Variants in OTUD7A observed in about 807,000 individuals in gnomAD.
OTUD7A encodes OTU domain-containing protein 7A.
Under a neutral mutation model 65.7 loss-of-function variants are expected in OTUD7A, and 12 were observed. That is an observed-to-expected ratio of 0.18 (90% CI 0.12 to 0.30). The LOEUF (loss-of-function observed/expected upper bound fraction) is 0.30, where lower values mean the gene tolerates loss of function less well. Among genes scored for constraint, OTUD7A ranks in the 10% least tolerant of loss-of-function variants. The pLI is 1.00. For synonymous variants in OTUD7A, 641 were observed against 586.3 expected (o/e 1.09, Z -1.35); for missense variants, 1,148 against 1,304.8 (o/e 0.88, Z 1.85).
At chr15:31,825,868 G>C (rs1443034791) in intron 1 of OTUD7A, among the ~76,000 whole-genome samples, 1 of 152,170 alleles carries the variant, frequency 6.6e-6, no homozygotes, top group East Asian at 1.9e-4. Context: ...AAATCCATTG[G>C]GGCAGTCAAA....
At chr15:31,790,609 G>A (rs1487010984) in intron 1 of OTUD7A, among the ~76,000 whole-genome samples, 1 of 152,224 alleles carries the variant, frequency 6.6e-6, no homozygotes, top group Non-Finnish European at 1.5e-5. Context: ...AGTCCAACCT[G>A]GGGTGGAATT....
intron 3 of OTUD7A, among the ~76,000 whole-genome samples, chr15:31,578,794 T>A (rs1360100449): frequency 6.6e-6 from 1 of 152,202 alleles, no homozygotes; most frequent in East Asian, 1.9e-4. Flanking sequence ...TCAGGTGATC[T>A]GCTGCCTTGG....
rs1402393236 is a variant in OTUD7A, at chr15:31,741,261, A to G, written c.-99-84184T>C. Among the ~76,000 whole-genome samples, 3 of 152,178 alleles carry G rather than the reference A, an allele frequency of 2.0e-5. No homozygotes were observed. The East Asian group carries it at 5.8e-4, about 29-fold the overall frequency. On this transcript the variant is annotated intron_variant, in intron 1 of 12. Transcript: ENST00000307050. ...TAACCCATAGGATTTGCTTCAAAAT[A>G]ATATAGGAGGTTGTGGTGGGAACAA... is the stretch of plus-strand genomic sequence containing the variant.
intron 3 of OTUD7A, among the ~76,000 whole-genome samples, chr15:31,582,334 A>G (rs1368733731): frequency 1.3e-5 from 2 of 152,176 alleles, no homozygotes; most frequent in Admixed American, 1.3e-4. Context: ...TAAGCCCTCC[A>G]AACTGTTCTA....
intron 9 of OTUD7A, 40 bp downstream of exon 9, chr15:31,503,647 GCTTT>G: frequency 3.1e-6 from 5 of 1,612,916 alleles, no homozygotes; most frequent in Non-Finnish European, 4.2e-6. Flanking sequence ...GGGATGCTAT[GCTTT>G]CTGTGTCATG....
At chr15:31,507,143 G>C (rs986118092) in intron 8 of OTUD7A, among the ~76,000 whole-genome samples, 2 of 152,102 alleles carry the variant, frequency 1.3e-5, no homozygotes, top group African/African-American at 4.8e-5. Context: ...TTAGAACTTA[G>C]GCTACTGAAG....
At chr15:31,856,406 C>A (rs1202649051) in intron 1 of OTUD7A, among the ~76,000 whole-genome samples, 2 of 151,922 alleles carry the variant, frequency 1.3e-5, no homozygotes, top group Non-Finnish European at 2.9e-5. Context: ...GATTTTTTTT[C>A]ATGAAAAATA....
chr15:31,768,755 C>G (rs1043378556), intron 1 of OTUD7A, among the ~76,000 whole-genome samples: 16 of 152,132 alleles, frequency 1.1e-4, no homozygotes, highest in African/African-American at 3.1e-4. Flanking sequence ...GTAAAGGGAC[C>G]TATATGGTGG....
intron 1 of OTUD7A, among the ~76,000 whole-genome samples, chr15:31,824,800 G>A (rs187480641): frequency 7.2e-5 from 11 of 152,238 alleles, no homozygotes; most frequent in African/African-American, 2.6e-4. Flanking sequence ...TCCAAGGTTT[G>A]CCACCCATTT....
chr15:31,553,741 GTGTC>G (rs1888402143), intron 5 of OTUD7A, among the ~76,000 whole-genome samples: 1 of 151,828 alleles, frequency 6.6e-6, no homozygotes, highest in Non-Finnish European at 1.5e-5. Flanking sequence ...CCCCATAGCC[GTGTC>G]TCTCTACTGC....
chr15:31,604,455 G>T (rs978707730), intron 3 of OTUD7A, among the ~76,000 whole-genome samples: 1 of 152,136 alleles, frequency 6.6e-6, no homozygotes, highest in Admixed American at 6.5e-5. Flanking sequence ...GGGGTGGGGG[G>T]CCAAGGGAGG....
chr15:31,487,481 T>C lies in OTUD7A; in HGVS notation c.1257A>G (p.Lys419=). The change falls in exon 11 of 13, where the codon AAA becomes AAG. Residue 419 remains lysine (K), a synonymous_variant. Coordinates refer to ENST00000307050, the MANE Select transcript of OTUD7A (RefSeq NM_001382637.1). The surrounding 1 kb of genome is among the most constrained non-coding windows in gnomAD (Gnocchi z 6.0). ...VDPGKDWEWG[K]DDNDNARLAH... ...CCAGCCGGGCGTTATCGTTGTCGTC[T>C]TTCCCCCACTCCCAGTCCTTGCCAG... is the stretch of plus-strand genomic sequence containing the variant. The C allele has an allele frequency of 1.2e-6, 2 of 1,613,996 alleles. No individual in the cohort carries two copies. Among genetic ancestry groups the C allele is most frequent in the Non-Finnish European group, 8.5e-7 (1 of 1,179,996 alleles).
chr15:31,777,086 C>T (rs1029785494), intron 1 of OTUD7A, among the ~76,000 whole-genome samples: 4 of 152,054 alleles, frequency 2.6e-5, no homozygotes, highest in East Asian at 3.9e-4. Flanking sequence ...CATAAACAGG[C>T]ATTCATTTCT....
chr15:31,782,008 T>C (rs1361391545), intron 1 of OTUD7A, among the ~76,000 whole-genome samples: 1 of 152,244 alleles, frequency 6.6e-6, no homozygotes, highest in Non-Finnish European at 1.5e-5. Context: ...CTCACTTTTA[T>C]TTTTCTTTTA....
chr15:31,795,442 T>C (rs944560342), intron 1 of OTUD7A, among the ~76,000 whole-genome samples: 2 of 152,184 alleles, frequency 1.3e-5, no homozygotes, highest in South Asian at 2.1e-4. Flanking sequence ...AGTGGGTTTC[T>C]GAAACTCCAA....
At chr15:31,623,466 G>C (rs181271830) in intron 3 of OTUD7A, among the ~76,000 whole-genome samples, 1 of 152,214 alleles carries the variant, frequency 6.6e-6, no homozygotes, top group Non-Finnish European at 1.5e-5. Context: ...GAGCAATGGC[G>C]GGCGCCCCTC....
intron 1 of OTUD7A, among the ~76,000 whole-genome samples, chr15:31,707,940 T>A (rs1893344943): frequency 6.6e-6 from 1 of 152,066 alleles, no homozygotes; most frequent in Non-Finnish European, 1.5e-5. Context: ...ATAAATATAA[T>A]ATATACAAAG....
chr15:31,592,004 TAAAAA>T (rs910005934), intron 3 of OTUD7A, among the ~76,000 whole-genome samples: 2 of 151,984 alleles, frequency 1.3e-5, no homozygotes, highest in African/African-American at 2.4e-5. Context: ...TGTCTAAAAA[TAAAAA>T]AGTACAGTAA....
At chr15:31,717,064 T>C (rs969587240) in intron 1 of OTUD7A, among the ~76,000 whole-genome samples, 1 of 152,194 alleles carries the variant, frequency 6.6e-6, no homozygotes, top group African/African-American at 2.4e-5. Flanking sequence ...TATCATTCTC[T>C]CCACATACAA....
Sources: gnomAD v4.1 joint callset for allele counts (sites outside exome capture counted in the v4.1 genomes callset) on GRCh38, gnomAD v4.1.1 for gene constraint, Gnocchi (gnomAD v3.1) non-coding constraint, MANE v1.5 for transcripts, NCBI Gene and HGNC (gene_info 2026-07-23, HGNC 2026-07-21) for gene names.